The following NBAS variants were observed in gnomAD, a reference collection of about 807,000 sequenced individuals.
NBAS encodes NBAS subunit of NRZ tethering complex.
Under a neutral mutation model 302.5 loss-of-function variants are expected in NBAS, and 219 were observed. That is an observed-to-expected ratio of 0.72 (90% CI 0.65 to 0.81). The LOEUF is 0.81. NBAS is among the 30% of genes least tolerant of loss of function. The probability of loss-of-function intolerance (pLI) is 0.00; values close to 1 mark genes in which losing one functional copy is unlikely to be tolerated. For missense variants in NBAS, 2,932 were observed against 2,841.6 expected (o/e 1.03, Z -0.72); for synonymous variants, 1,118 against 1,021.6 (o/e 1.09, Z -1.80).
At chr2:15,103,367 G>T in the NBAS span, among the ~76,000 whole-genome samples, 1 of 152,086 alleles carries the variant, frequency 6.6e-6, no homozygotes, top group Middle Eastern at 3.4e-3. Flanking sequence ...AGATTTCCAG[G>T]CTCCCTTCCC....
At chr2:15,340,648 T>C (rs1558549687) in intron 35 of NBAS, among the ~76,000 whole-genome samples, 1 of 152,106 alleles carries the variant, frequency 6.6e-6, no homozygotes, top group African/African-American at 2.4e-5. Flanking sequence ...GGATAATGTA[T>C]GAATGCATCT....
intron 51 of NBAS, among the ~76,000 whole-genome samples, chr2:15,172,409 T>C (rs1019308528): frequency 6.6e-6 from 1 of 152,234 alleles, no homozygotes; most frequent in African/African-American, 2.4e-5. Flanking sequence ...TTTGTTATCA[T>C]GAACATTCTA....
chr2:14,992,154 G>T, the NBAS span, among the ~76,000 whole-genome samples: 1 of 152,190 alleles, frequency 6.6e-6, no homozygotes, highest in African/African-American at 2.4e-5. Context: ...CATAATATGT[G>T]TGAAAATGCT....
chr2:14,838,244 T>G, the NBAS span, among the ~76,000 whole-genome samples: 1 of 151,960 alleles, frequency 6.6e-6, no homozygotes, highest in South Asian at 2.1e-4. Context: ...AAAATGCTCT[T>G]TTTTATTTTC....
At chr2:15,340,388 G>C (rs1672790176) in intron 35 of NBAS, among the ~76,000 whole-genome samples, 1 of 152,090 alleles carries the variant, frequency 6.6e-6, no homozygotes, top group African/African-American at 2.4e-5. Context: ...CCTACAAAGA[G>C]TTCTATTTCG....
intron 9 of NBAS, among the ~76,000 whole-genome samples, chr2:15,520,750 T>C (rs1662630038): frequency 6.6e-6 from 1 of 152,194 alleles, no homozygotes; most frequent in Non-Finnish European, 1.5e-5. Flanking sequence ...TTTTCAACAA[T>C]TTAAAAAATA....
the NBAS span, among the ~76,000 whole-genome samples, chr2:15,096,372 C>T: frequency 6.6e-6 from 1 of 152,216 alleles, no homozygotes; most frequent in African/African-American, 2.4e-5. Flanking sequence ...CATCAAGACC[C>T]AGCCTCTCTG....
the NBAS span, among the ~76,000 whole-genome samples, chr2:14,797,111 A>AG: frequency 6.7e-6 from 1 of 149,604 alleles, no homozygotes; most frequent in South Asian, 2.1e-4. Flanking sequence ...AAAAAAAAAA[A>AG]AAACCAAAAA....
chr2:15,097,443 TGTC>T, the NBAS span, among the ~76,000 whole-genome samples: 3 of 152,236 alleles, frequency 2.0e-5, no homozygotes, highest in East Asian at 5.8e-4. Flanking sequence ...AAAGGGCAAA[TGTC>T]TTCGTTCATT....
At chr2:15,196,487 T>C (rs1394796181) in intron 48 of NBAS, among the ~76,000 whole-genome samples, 2 of 152,236 alleles carry the variant, frequency 1.3e-5, no homozygotes, top group African/African-American at 4.8e-5. Context: ...GAATCTATAA[T>C]TATCTCAATA....
chr2:15,470,675 T>C (rs111276580), intron 16 of NBAS, among the ~76,000 whole-genome samples: 4 of 152,356 alleles, frequency 2.6e-5, no homozygotes, highest in African/African-American at 9.6e-5. Flanking sequence ...ATCTTCACTA[T>C]ATAAAATCTT....
chr2:15,364,744 G>C (rs911080968), intron 32 of NBAS, among the ~76,000 whole-genome samples: 1 of 152,032 alleles, frequency 6.6e-6, no homozygotes, highest in Non-Finnish European at 1.5e-5. Flanking sequence ...CCAGACATGT[G>C]AGTAATGCAG....
At chr2:14,817,473 C>T in the NBAS span, among the ~76,000 whole-genome samples, 1 of 152,210 alleles carries the variant, frequency 6.6e-6, no homozygotes, top group East Asian at 1.9e-4. Context: ...AAGCTAAGAA[C>T]AGGCTCCTGT....
the NBAS span, among the ~76,000 whole-genome samples, chr2:14,882,586 A>T: frequency 6.6e-6 from 1 of 152,204 alleles, no homozygotes; most frequent in South Asian, 2.1e-4. Flanking sequence ...AAGTGAGGTG[A>T]TCCTCAAAGA....
chr2:15,168,448 A>G (rs972582893), intron 51 of NBAS, among the ~76,000 whole-genome samples: 7 of 152,116 alleles, frequency 4.6e-5, no homozygotes, highest in African/African-American at 1.4e-4. Flanking sequence ...AATCTTTCCT[A>G]CTACCCACAG....
At chr2:14,906,757 G>A in the NBAS span, among the ~76,000 whole-genome samples, 39,086 of 152,018 alleles carry the variant, frequency 0.26, 5,143 homozygotes, top group East Asian at 0.34. Flanking sequence ...CTGATGTTGC[G>A]ATTCCAAGCT....
chr2:14,800,258 T>C, the NBAS span, among the ~76,000 whole-genome samples: 99 of 152,324 alleles, frequency 6.5e-4, no homozygotes, highest in African/African-American at 2.1e-3. Context: ...TGGGAGGTAA[T>C]TGAATCATGG....
intron 40 of NBAS, among the ~76,000 whole-genome samples, chr2:15,305,449 G>GCTTTTTTTTTTTTT (rs766552962): frequency 8.1e-6 from 1 of 123,804 alleles, no homozygotes. Context: ...GTCTCGAGCA[G>GCTTTTTTTTTTTTT]TTTTTTTTTT....
chr2:14,781,238 T>C, the NBAS span, among the ~76,000 whole-genome samples: 2 of 152,212 alleles, frequency 1.3e-5, no homozygotes, highest in Admixed American at 1.3e-4. Flanking sequence ...ATCAATAACA[T>C]TGAAGACTCT....
Sources: allele counts gnomAD v4.1 joint callset (sites outside exome capture counted in the v4.1 genomes callset), GRCh38; gene constraint gnomAD v4.1.1; transcripts MANE v1.5; gene names NCBI Gene and HGNC (gene_info 2026-07-23, HGNC 2026-07-21).